ITPK1: variants seen among roughly 807,000 people sequenced by gnomAD.
The protein encoded by ITPK1 is inositol-tetrakisphosphate 1-kinase.
ITPK1 carries 21 observed loss-of-function variants against 45.3 expected under a neutral mutation model. The ratio of observed to expected loss-of-function variants is 0.46; its 90% CI spans 0.33 to 0.67. ITPK1 has a LOEUF of 0.67. Among genes scored for constraint, ITPK1 ranks in the 30% least tolerant of loss-of-function variants. The pLI is 0.02. For missense variants in ITPK1, 474 were observed against 573.5 expected, an observed-to-expected ratio of 0.83 and a Z score of 1.77; for synonymous variants, 258 against 253.6, an observed-to-expected ratio of 1.02 and a Z score of -0.16.
intron 5 of ITPK1, among the ~76,000 whole-genome samples, chr14:92,969,340 T>G (rs1334901329): frequency 1.6e-4 from 18 of 110,202 alleles, no homozygotes; most frequent in South Asian, 2.8e-4. Flanking sequence ...CCGGCAGAGG[T>G]GGGGTATGCG....
At chr14:93,055,280 C>T (rs79113917) in intron 3 of ITPK1, among the ~76,000 whole-genome samples, 1,719 of 152,314 alleles carry the variant, frequency 0.011, 18 homozygotes, top group South Asian at 0.02. Context: ...TCATTCTACA[C>T]GTGTCTTTTG....
At chr14:93,017,977 T>C (rs1888270356) in intron 3 of ITPK1, among the ~76,000 whole-genome samples, 1 of 152,168 alleles carries the variant, frequency 6.6e-6, no homozygotes, top group Non-Finnish European at 1.5e-5. Flanking sequence ...GGCGGTGAAG[T>C]GGGGACACAA....
At position 92,958,852 on chromosome 14, in the gene ITPK1, G is replaced by T. The variant is rs1296850852; in HGVS notation, c.505-486C>A. Reference sequence around the variant, plus strand: ...TTGTCAAGCAGTTGTGACAAGCCGGGCCCTGTTCTGAGCACGTACACCAGT... The same window carrying T: ...TTGTCAAGCAGTTGTGACAAGCCGGTCCCTGTTCTGAGCACGTACACCAGT... On this transcript the variant is annotated intron_variant, in intron 7 of 10. Coordinates refer to ENST00000267615, the MANE Select transcript of ITPK1 (RefSeq NM_014216.6). This position sits in a 1 kb window ranked among gnomAD's most constrained non-coding sequence, Gnocchi z 4.4. 6.6e-6 allele frequency among the ~76,000 whole-genome samples: 1 copy of T among 152,204 alleles called. No homozygotes were observed. The highest frequency in any genetic ancestry group is 1.5e-5 in the Non-Finnish European group (1 of 68,034).
At chr14:92,974,706 C>T (rs576559262) in intron 5 of ITPK1, among the ~76,000 whole-genome samples, 4 of 152,212 alleles carry the variant, frequency 2.6e-5, no homozygotes, top group Non-Finnish European at 4.4e-5. Context: ...AGGCACTTCC[C>T]GTGCTGCTTA....
At chr14:93,031,058 T>G (rs965870150) in intron 3 of ITPK1, among the ~76,000 whole-genome samples, 2 of 152,154 alleles carry the variant, frequency 1.3e-5, no homozygotes, top group Admixed American at 1.3e-4. Flanking sequence ...CTCAGACTTC[T>G]CACCTCCGGA....
intron 4 of ITPK1, among the ~76,000 whole-genome samples, chr14:92,994,377 GAGGCC>G (rs1339033392): frequency 1.3e-5 from 2 of 152,174 alleles, no homozygotes; most frequent in Non-Finnish European, 2.9e-5. Context: ...AGAGTGGGAT[GAGGCC>G]AGGAGTCATC....
At chr14:93,002,627 G>A (rs868842269) in intron 4 of ITPK1, among the ~76,000 whole-genome samples, 3 of 152,322 alleles carry the variant, frequency 2.0e-5, no homozygotes, top group African/African-American at 7.2e-5. Flanking sequence ...GGGAGGCCGG[G>A]TGTGTTCCAT....
At chr14:93,065,865 A>C (rs1236761580) in intron 3 of ITPK1, among the ~76,000 whole-genome samples, 1 of 152,230 alleles carries the variant, frequency 6.6e-6, no homozygotes, top group African/African-American at 2.4e-5. Context: ...AGCCACTCTA[A>C]CAGCAATTTC....
intron 2 of ITPK1, among the ~76,000 whole-genome samples, chr14:93,084,562 C>A (rs1038077858): frequency 6.6e-6 from 1 of 152,056 alleles, no homozygotes; most frequent in South Asian, 2.1e-4. Context: ...AACCTATTTC[C>A]GCCAGCCTTT....
chr14:93,011,316 C>T lies in ITPK1; in HGVS notation c.246+5360G>A, dbSNP rs116839240. On this transcript the variant is annotated intron_variant, in intron 4 of 10. Transcript: ENST00000267615. ...TGAGGGGAGCTGTCTATCCCTGTGG[C>T]GAAGCCTGGCCTCGCTTGGCGGACT... 3.3e-3 allele frequency among the ~76,000 whole-genome samples: 501 copies of T among 152,358 alleles called. 4 individuals are homozygous for T. Among genetic ancestry groups the T allele is most frequent in the African/African-American group, 0.012 (489 of 41,584 alleles).
chr14:92,946,418 C>T lies in ITPK1; in HGVS notation c.814G>A (p.Ala272Thr). The T allele has an allele frequency of 1.2e-6, 2 of 1,613,284 alleles. No individual in the cohort carries two copies. Among genetic ancestry groups the T allele is most frequent in the Non-Finnish European group, 1.7e-6 (2 of 1,179,956 alleles). ...IRELSRALRQ[A>T]LGVSLFGIDI... ...ATGCCGAAGAGTGACACGCCCAGTG[C>T]CTGCCGCAGGGCCCGGGAGAGCTCC... Residue 272 changes from alanine to threonine, a missense_variant, in exon 10 of 11, where the codon GCA becomes ACA. By Grantham distance (58) the Ala-to-Thr change is moderately conservative (BLOSUM62 0). Coordinates refer to ENST00000267615, the MANE Select transcript of ITPK1 (RefSeq NM_014216.6).
intron 5 of ITPK1, among the ~76,000 whole-genome samples, chr14:92,970,231 G>C (rs912255736): frequency 6.6e-6 from 1 of 152,224 alleles, no homozygotes. Flanking sequence ...GCCCGACGCT[G>C]GACCTGGGGC....
intron 2 of ITPK1, among the ~76,000 whole-genome samples, chr14:93,114,308 G>A (rs1472943237): frequency 2.6e-5 from 4 of 152,256 alleles, no homozygotes; most frequent in Non-Finnish European, 5.9e-5. Flanking sequence ...CCGCCAAGGA[G>A]CACCAGCATG....
At chr14:93,073,831 C>T (rs1891114998) in intron 3 of ITPK1, among the ~76,000 whole-genome samples, 1 of 152,210 alleles carries the variant, frequency 6.6e-6, no homozygotes, top group African/African-American at 2.4e-5. Flanking sequence ...GCCTCAGTTT[C>T]CCCACCTCAA....
rs1887391982 is a variant in ITPK1, at chr14:92,941,487, T to C, written c.*74A>G. 3 of 1,445,582 alleles carry C rather than the reference T, an allele frequency of 2.1e-6. No homozygotes were observed. Among genetic ancestry groups the C allele is most frequent in the African/African-American group, 3.0e-5 (2 of 67,408 alleles). The allele number at this position is 1,445,582 out of a possible 1,614,324, so 89.5% of individuals were successfully genotyped here. A position where few individuals can be genotyped will look rare whatever the true frequency, so the allele number is the denominator to read the frequency against. ...TCACTGGGGATTCTTAGTAGTAGCA[T>C]CGCCGTTGGGAGCTGCTGGCCCAGC... On this transcript the variant is annotated 3_prime_UTR_variant, in exon 11 of 11. Coordinates refer to ENST00000267615, the MANE Select transcript of ITPK1 (RefSeq NM_014216.6).
chr14:92,956,008 G>A (rs1356436499), intron 8 of ITPK1, among the ~76,000 whole-genome samples: 1 of 152,218 alleles, frequency 6.6e-6, no homozygotes, highest in Admixed American at 6.5e-5. Context: ...TGGGGACACA[G>A]AATCAGCTTT....
intron 7 of ITPK1, among the ~76,000 whole-genome samples, chr14:92,959,502 C>T (rs1405352830): frequency 6.6e-6 from 1 of 152,156 alleles, no homozygotes. Flanking sequence ...CGTTGGGGGG[C>T]AGTGAACATC....
In ITPK1 at chr14:92,943,528, G is replaced by A. The variant is rs141016821; in HGVS notation, c.902-1624C>T. Among the ~76,000 whole-genome samples, 639 of 152,354 alleles carry A rather than the reference G, an allele frequency of 4.2e-3. 4 individuals are homozygous for A. Among genetic ancestry groups the A allele is most frequent in the African/African-American group, 0.014 (602 of 41,574 alleles). On this transcript the variant is annotated intron_variant, in intron 10 of 10. Coordinates refer to ENST00000267615, the MANE Select transcript of ITPK1 (RefSeq NM_014216.6). ...AGGTGTCCCGGGCACGGGCATGGCT[G>A]TTGGGTGCCTAGGGAGAAATGCAGT... is the stretch of plus-strand genomic sequence containing the variant.
intron 3 of ITPK1, among the ~76,000 whole-genome samples, chr14:93,056,526 C>T (rs1355997486): frequency 6.6e-6 from 1 of 152,198 alleles, no homozygotes; most frequent in Non-Finnish European, 1.5e-5. Flanking sequence ...GAGACCTCAG[C>T]AGTGCACCCC....
Sources: gnomAD v4.1 joint callset for allele counts (sites outside exome capture counted in the v4.1 genomes callset) on GRCh38, gnomAD v4.1.1 for gene constraint, Gnocchi (gnomAD v3.1) non-coding constraint, MANE v1.5 for transcripts, NCBI Gene and HGNC (gene_info 2026-07-23, HGNC 2026-07-21) for gene names.